KIAA1217: variants seen among roughly 807,000 people sequenced by gnomAD.
The protein encoded by KIAA1217 is KIAA1217, also known as sickle tail protein homolog.
A neutral mutation model predicts 163.9 loss-of-function variants in KIAA1217; 88 were observed. The observed-to-expected ratio is 0.54, with a 90% CI of 0.45 to 0.64. The LOEUF (loss-of-function observed/expected upper bound fraction) is 0.64. Ranked by LOEUF, KIAA1217 falls within the 30% of genes least tolerant of loss-of-function variation. KIAA1217 has a pLI of 0.00. For missense variants in KIAA1217, 2,372 were observed against 2,475.0 expected (o/e 0.96, Z 0.88); for synonymous variants, 903 against 923.1 (o/e 0.98, Z 0.39).
rs34744228 is a variant in KIAA1217, at chr10:24,492,852, C to CT, written c.1680-1635dup. Among the ~76,000 whole-genome samples, 133 of 146,822 alleles carry CT rather than the reference C, an allele frequency of 9.1e-4. 1 individual carries two copies. The highest frequency in any genetic ancestry group is 3.5e-3 in the Middle Eastern group (1 of 286). ...CTAGTGGAAGAACAGGCCATCATTA[C>CT]TTTTTTTTTTTTTGAGACAGTCTTG... is the stretch of plus-strand genomic sequence containing the variant. On this transcript the variant is annotated intron_variant, in intron 6 of 20. Transcript: ENST00000376454.
chr10:24,396,135 G>A (rs1043589433), intron 3 of KIAA1217, among the ~76,000 whole-genome samples: 2 of 152,114 alleles, frequency 1.3e-5, no homozygotes, highest in Non-Finnish European at 2.9e-5. Context: ...TCAGGAGTTC[G>A]AGACCAGCCT....
chr10:24,460,917 G>A lies in KIAA1217; in HGVS notation c.847-12311G>A, dbSNP rs61855858. ...GCCTGAAGGGGTTAAACCTACTAGGGAGCAATTGGTAGTAAGAAGCTGAGA... is the reference window on the plus strand; with the variant it reads ...GCCTGAAGGGGTTAAACCTACTAGGAAGCAATTGGTAGTAAGAAGCTGAGA... On this transcript the variant is annotated intron_variant, in intron 5 of 20. Transcript: ENST00000376454. Among the ~76,000 whole-genome samples, 790 of 152,274 alleles carry A rather than the reference G, an allele frequency of 5.2e-3. 5 individuals are homozygous for A. Among genetic ancestry groups the A allele is most frequent in the South Asian group, 0.011 (53 of 4,814 alleles).
At chr10:23,938,564 A>G (rs182411504) in intron 1 of KIAA1217, among the ~76,000 whole-genome samples, 74 of 152,336 alleles carry the variant, frequency 4.9e-4, no homozygotes, top group Non-Finnish European at 9.4e-4. Context: ...ATTACTTTGT[A>G]TATAATACAG....
intron 4 of KIAA1217, among the ~76,000 whole-genome samples, chr10:24,435,616 G>A (rs1210428026): frequency 6.6e-6 from 1 of 152,154 alleles, no homozygotes; most frequent in Non-Finnish European, 1.5e-5. Context: ...ATTACAATGA[G>A]TCACCATTTT....
At chr10:24,312,443 T>TGGG (rs2042824876) in intron 2 of KIAA1217, among the ~76,000 whole-genome samples, 1 of 150,848 alleles carries the variant, frequency 6.6e-6, no homozygotes, top group Admixed American at 6.6e-5. Context: ...TGGTAAAACC[T>TGGG]CGTCTCTACG....
chr10:23,856,629 C>T (rs746693008), intron 1 of KIAA1217, among the ~76,000 whole-genome samples: 2 of 152,262 alleles, frequency 1.3e-5, no homozygotes, highest in Non-Finnish European at 2.9e-5. Flanking sequence ...CCTACAGAGG[C>T]AGGCAGGCCT....
At chr10:23,897,692 A>G (rs1841765775) in intron 1 of KIAA1217, among the ~76,000 whole-genome samples, 1 of 151,960 alleles carries the variant, frequency 6.6e-6, no homozygotes, top group Non-Finnish European at 1.5e-5. Flanking sequence ...CTTCTCTTCA[A>G]CCTTCATTGA....
chr10:24,173,815 A>C (rs558441079), intron 2 of KIAA1217, among the ~76,000 whole-genome samples: 2 of 152,328 alleles, frequency 1.3e-5, no homozygotes, highest in South Asian at 4.1e-4. Flanking sequence ...GAGTAACCCA[A>C]ATCTTTTTCC....
intron 2 of KIAA1217, among the ~76,000 whole-genome samples, chr10:24,146,149 T>A (rs563434006): frequency 8.4e-4 from 128 of 152,314 alleles, no homozygotes; most frequent in African/African-American, 3.0e-3. Flanking sequence ...GTAGTAAGGA[T>A]CAACCGTTTC....
intron 6 of KIAA1217, chr10:24,481,117 T>A (rs956443001): frequency 9.2e-5 from 14 of 152,190 alleles, no homozygotes; most frequent in African/African-American, 3.4e-4. Flanking sequence ...TATGGATCAA[T>A]AAATGTTTAT....
chr10:23,948,201 G>A (rs1241379188), intron 1 of KIAA1217, among the ~76,000 whole-genome samples: 1 of 152,182 alleles, frequency 6.6e-6, no homozygotes, highest in African/African-American at 2.4e-5. Context: ...TGTGACCATA[G>A]GCAGAATACT....
At chr10:23,929,593 T>C (rs144509005) in intron 1 of KIAA1217, among the ~76,000 whole-genome samples, 152 of 152,336 alleles carry the variant, frequency 1.0e-3, no homozygotes, top group African/African-American at 3.4e-3. Context: ...GTTAATTTGC[T>C]TAAGATAATG....
chr10:23,721,761 T>A (rs573624079), intron 1 of KIAA1217, among the ~76,000 whole-genome samples: 61 of 152,144 alleles, frequency 4.0e-4, no homozygotes, highest in Non-Finnish European at 7.5e-4. Context: ...ATAAGCACAC[T>A]GGTTCTAAGT....
intron 2 of KIAA1217, among the ~76,000 whole-genome samples, chr10:24,132,964 A>G (rs2063707215): frequency 6.6e-6 from 1 of 152,124 alleles, no homozygotes; most frequent in African/African-American, 2.4e-5. Context: ...CTAACTGGCT[A>G]GTTATTCAGA....
At chr10:24,333,083 G>A (rs1564487721) in intron 2 of KIAA1217, among the ~76,000 whole-genome samples, 1 of 152,080 alleles carries the variant, frequency 6.6e-6, no homozygotes, top group Non-Finnish European at 1.5e-5. Context: ...GCGGGGTGGT[G>A]TGATCTCGGC....
intron 1 of KIAA1217, among the ~76,000 whole-genome samples, chr10:23,815,443 G>A (rs1379457221): frequency 6.6e-6 from 1 of 152,148 alleles, no homozygotes; most frequent in East Asian, 1.9e-4. Flanking sequence ...AGGAGATCCA[G>A]ACCATCCTGG....
rs528725300 is a variant in KIAA1217, at chr10:24,413,842, G to A, written c.554-19153G>A. On this transcript the variant is annotated intron_variant, in intron 3 of 20. Transcript: ENST00000376454. ...GCAATCCGCCCACTTCCACCCCACTGCTCTCTAGTCCCCACACCCTGTTTT... is the reference window on the plus strand; with the variant it reads ...GCAATCCGCCCACTTCCACCCCACTACTCTCTAGTCCCCACACCCTGTTTT... 7.7e-4 allele frequency among the ~76,000 whole-genome samples: 117 copies of A among 152,158 alleles called. 1 individual carries two copies. Among genetic ancestry groups the A allele is most frequent in the Non-Finnish European group, 1.1e-3 (72 of 68,006 alleles).
chr10:24,263,467 C>T (rs1369557027), intron 2 of KIAA1217, among the ~76,000 whole-genome samples: 1 of 152,280 alleles, frequency 6.6e-6, no homozygotes, highest in East Asian at 1.9e-4. Context: ...CAGGACAGAA[C>T]GGCATGAATG....
intron 1 of KIAA1217, among the ~76,000 whole-genome samples, chr10:23,877,075 C>T (rs1840732150): frequency 6.6e-6 from 1 of 152,024 alleles, no homozygotes; most frequent in Non-Finnish European, 1.5e-5. Flanking sequence ...TTCTAGGGTC[C>T]CTTTCAGCAC....
Sources: gnomAD v4.1 joint callset for allele counts (sites outside exome capture counted in the v4.1 genomes callset) on GRCh38, gnomAD v4.1.1 for gene constraint, MANE v1.5 for transcripts, NCBI Gene and HGNC (gene_info 2026-07-23, HGNC 2026-07-21) for gene names.